The following ZNF385D variants were observed in gnomAD, a reference collection of about 807,000 sequenced individuals.
The protein encoded by ZNF385D is zinc finger protein 385D, also known as zinc finger protein 659.
ZNF385D carries 15 observed loss-of-function variants against 35.8 expected under a neutral mutation model. The ratio of observed to expected loss-of-function variants is 0.42; its 90% CI spans 0.28 to 0.64. The LOEUF (loss-of-function observed/expected upper bound fraction) is 0.64, where lower values mean the gene tolerates loss of function less well. Ranked by LOEUF, ZNF385D falls within the 30% of genes least tolerant of loss-of-function variation. The probability of loss-of-function intolerance (pLI) is 0.23; values close to 1 mark genes in which losing one functional copy is unlikely to be tolerated. For missense variants in ZNF385D, 474 were observed against 494.6 expected (o/e 0.96, Z 0.39); for synonymous variants, 212 against 186.8 (o/e 1.13, Z -1.10).
chr3:22,360,169 T>C (rs1199961634), intron 2 of ZNF385D, among the ~76,000 whole-genome samples: 1 of 151,970 alleles, frequency 6.6e-6, no homozygotes, highest in African/African-American at 2.4e-5. Flanking sequence ...TCTGAAAAAT[T>C]TTAGGAACTA....
Position 22,249,652 on chromosome 3 carries a change from A to G in ZNF385D, c.107-80617T>C, listed in dbSNP as rs556048623. 1.1e-4 allele frequency among the ~76,000 whole-genome samples: 17 copies of G among 152,320 alleles called. 1 individual carries two copies. In the South Asian group the frequency reaches 2.7e-3, roughly 24 times the overall value. ...AAGGATAGAGATTTATATATTATAG[A>G]TAAGTCCACAGATAACTGAAGAGCA... On this transcript the variant is annotated intron_variant, in intron 2 of 5. Transcript: ENST00000494108.
At chr3:21,805,949 G>T (rs554599194) in intron 3 of ZNF385D, among the ~76,000 whole-genome samples, 1 of 152,190 alleles carries the variant, frequency 6.6e-6, no homozygotes, top group African/African-American at 2.4e-5. Flanking sequence ...GGCAATCTGG[G>T]AGAGGTCACT....
intron 2 of ZNF385D, among the ~76,000 whole-genome samples, chr3:22,242,453 T>G (rs1317243650): frequency 6.6e-6 from 1 of 150,810 alleles, no homozygotes; most frequent in East Asian, 2.0e-4. Context: ...ACGTAAACCC[T>G]GAAATGAAGC....
intron 3 of ZNF385D, among the ~76,000 whole-genome samples, chr3:21,794,272 G>C (rs2072052134): frequency 6.6e-6 from 1 of 151,948 alleles, no homozygotes; most frequent in African/African-American, 2.4e-5. Context: ...AAACCTAAGA[G>C]CTTAAATAGA....
chr3:22,139,925 C>T (rs1704397685), intron 3 of ZNF385D, among the ~76,000 whole-genome samples: 1 of 151,990 alleles, frequency 6.6e-6, no homozygotes, highest in South Asian at 2.1e-4. Flanking sequence ...ATTAAAATGG[C>T]TAAAATGAAA....
intron 3 of ZNF385D, among the ~76,000 whole-genome samples, chr3:21,959,136 A>G (rs572323602): frequency 6.6e-6 from 1 of 152,330 alleles, no homozygotes; most frequent in Non-Finnish European, 1.5e-5. Flanking sequence ...AGTATCACAA[A>G]TAACATATAA....
At chr3:22,252,647 G>A (rs934208383) in intron 2 of ZNF385D, among the ~76,000 whole-genome samples, 1 of 152,074 alleles carries the variant, frequency 6.6e-6, no homozygotes, top group Non-Finnish European at 1.5e-5. Flanking sequence ...GAGGAAGGCT[G>A]CATCGATAGA....
intron 3 of ZNF385D, among the ~76,000 whole-genome samples, chr3:21,971,907 T>C (rs936934617): frequency 5.3e-5 from 8 of 151,856 alleles, no homozygotes; most frequent in Admixed American, 3.9e-4. Context: ...TAAGGAGATA[T>C]AACAACTGTA....
chr3:22,096,454 G>A (rs1408774198), intron 3 of ZNF385D, among the ~76,000 whole-genome samples: 1 of 151,934 alleles, frequency 6.6e-6, no homozygotes, highest in Non-Finnish European at 1.5e-5. Context: ...ATTGGCTATA[G>A]TCAAAATTTG....
intron 1 of ZNF385D, among the ~76,000 whole-genome samples, chr3:21,736,236 T>C (rs1353905421): frequency 6.6e-6 from 1 of 152,196 alleles, no homozygotes; most frequent in Non-Finnish European, 1.5e-5. Flanking sequence ...GCTCAATAGA[T>C]GGTGACATCA....
At chr3:22,094,228 T>C (rs1270599321) in intron 3 of ZNF385D, among the ~76,000 whole-genome samples, 1 of 151,180 alleles carries the variant, frequency 6.6e-6, no homozygotes, top group Non-Finnish European at 1.5e-5. Flanking sequence ...CAAGTAGCAT[T>C]TTTTTTTCAA....
At chr3:21,961,061 A>G (rs1299854918) in intron 3 of ZNF385D, among the ~76,000 whole-genome samples, 1 of 152,090 alleles carries the variant, frequency 6.6e-6, no homozygotes, top group African/African-American at 2.4e-5. Context: ...CAGCTACAAG[A>G]GAAGATTTTT....
intron 3 of ZNF385D, among the ~76,000 whole-genome samples, chr3:22,161,071 A>T (rs1473141979): frequency 6.6e-6 from 1 of 152,100 alleles, no homozygotes; most frequent in South Asian, 2.1e-4. Context: ...TTCATTCTAT[A>T]CCTCATAATG....
intron 3 of ZNF385D, among the ~76,000 whole-genome samples, chr3:22,030,299 A>ATATATATATATATATCTATC (rs1553591392): frequency 1.7e-5 from 2 of 114,740 alleles, no homozygotes; most frequent in Admixed American, 2.1e-4. Context: ...ATATATATAT[A>ATATATATATATATATCTATC]TATCCTATTT....
intron 2 of ZNF385D, among the ~76,000 whole-genome samples, chr3:21,566,122 T>A (rs1324644409): frequency 6.6e-6 from 1 of 152,242 alleles, no homozygotes; most frequent in Non-Finnish European, 1.5e-5. Context: ...ATAGTAGCAG[T>A]TAGCATTTAT....
At chr3:22,310,528 G>A (rs1703480566) in intron 2 of ZNF385D, among the ~76,000 whole-genome samples, 1 of 151,872 alleles carries the variant, frequency 6.6e-6, no homozygotes, top group Non-Finnish European at 1.5e-5. Context: ...TAATCCCATG[G>A]TTTCATTGCT....
At chr3:22,223,633 T>C (rs1371674403) in intron 2 of ZNF385D, among the ~76,000 whole-genome samples, 1 of 152,138 alleles carries the variant, frequency 6.6e-6, no homozygotes, top group Non-Finnish European at 1.5e-5. Context: ...AAGCATACTA[T>C]GCACCAGCCA....
At chr3:22,229,851 G>A (rs1698779506) in intron 2 of ZNF385D, among the ~76,000 whole-genome samples, 1 of 152,058 alleles carries the variant, frequency 6.6e-6, no homozygotes, top group Non-Finnish European at 1.5e-5. Flanking sequence ...CCCTTTTACA[G>A]TCACCATTGG....
intron 2 of ZNF385D, among the ~76,000 whole-genome samples, chr3:22,315,934 C>A (rs1172715347): frequency 6.6e-6 from 1 of 152,088 alleles, no homozygotes; most frequent in Admixed American, 6.6e-5. Context: ...GGCATAGTTC[C>A]TATAATCCCT....
Sources: allele counts gnomAD v4.1 joint callset (sites outside exome capture counted in the v4.1 genomes callset), GRCh38; gene constraint gnomAD v4.1.1; transcripts MANE v1.5; gene names NCBI Gene and HGNC (gene_info 2026-07-23, HGNC 2026-07-21).